The following PRRX2 variants were observed in gnomAD, a reference collection of about 807,000 sequenced individuals.
The protein encoded by PRRX2 is paired related homeobox 2.
PRRX2 carries 11 observed loss-of-function variants against 18.0 expected under a neutral mutation model. The observed-to-expected ratio is 0.61, with a 90% confidence interval of 0.39 to 1.01. The LOEUF is 1.01. PRRX2 is among the 50% of genes least tolerant of loss of function. PRRX2 has a pLI of 0.01. For missense variants in PRRX2, 387 were observed against 351.0 expected (o/e 1.10, Z -0.82); for synonymous variants, 177 against 154.8 (o/e 1.14, Z -1.06).
At chr9:129,694,516 G>C (rs1396324655) in intron 1 of PRRX2, among the ~76,000 whole-genome samples, 1 of 152,170 alleles carries the variant, frequency 6.6e-6, no homozygotes, top group African/African-American at 2.4e-5. Flanking sequence ...CTGACATTCT[G>C]TGCTGGCTGC....
intron 1 of PRRX2, among the ~76,000 whole-genome samples, chr9:129,676,903 A>G (rs1052463030): frequency 6.6e-6 from 1 of 152,206 alleles, no homozygotes; most frequent in African/African-American, 2.4e-5. Context: ...CTAAGTTGGG[A>G]AGAAAGACAA....
intron 1 of PRRX2, among the ~76,000 whole-genome samples, chr9:129,683,277 G>T (rs1176011969): frequency 6.6e-6 from 1 of 152,080 alleles, no homozygotes; most frequent in Admixed American, 6.5e-5. Flanking sequence ...TGACACACAC[G>T]GTCTCCCCTC....
chr9:129,684,507 CACACACACACA>C (rs1564147407), intron 1 of PRRX2, among the ~76,000 whole-genome samples: 3 of 53,104 alleles, frequency 5.6e-5, no homozygotes, highest in East Asian at 2.4e-4. Flanking sequence ...CACACACACA[CACACACACACA>C]CACACCCACA....
intron 1 of PRRX2, among the ~76,000 whole-genome samples, chr9:129,669,974 C>T (rs1318952633): frequency 2.0e-5 from 3 of 150,192 alleles, no homozygotes; most frequent in Non-Finnish European, 4.4e-5. Context: ...AAACTGAAAC[C>T]GCACCCCCTT....
chr9:129,719,151 A>T, intron 1 of PRRX2, 80 bp from the exon 2 acceptor site: 1 of 1,354,390 alleles, frequency 7.4e-7, no homozygotes, highest in South Asian at 1.5e-5. Flanking sequence ...CACTCAGAGC[A>T]AACTGCAGAG....
chr9:129,666,903 C>G (rs1361426088), intron 1 of PRRX2, among the ~76,000 whole-genome samples: 2 of 152,208 alleles, frequency 1.3e-5, no homozygotes, highest in African/African-American at 4.8e-5. Flanking sequence ...TCCCCTAGCT[C>G]TGGGGATGGG....
intron 1 of PRRX2, among the ~76,000 whole-genome samples, chr9:129,677,724 C>T (rs1325636721): frequency 2.0e-5 from 3 of 152,248 alleles, no homozygotes; most frequent in African/African-American, 7.2e-5. Flanking sequence ...GAAGGCCAGC[C>T]TCTCCCGCAG....
At chr9:129,672,470 C>T (rs975928481) in intron 1 of PRRX2, among the ~76,000 whole-genome samples, 2 of 152,168 alleles carry the variant, frequency 1.3e-5, no homozygotes, top group Non-Finnish European at 2.9e-5. Flanking sequence ...CCTCCTGTTC[C>T]AAAACCCCTG....
intron 1 of PRRX2, among the ~76,000 whole-genome samples, chr9:129,681,720 C>G (rs1368531831): frequency 1.4e-5 from 2 of 145,044 alleles, no homozygotes; most frequent in Non-Finnish European, 3.0e-5. Flanking sequence ...CAGATGGAAA[C>G]CCAAAGTGAA....
chr9:129,668,050 T>G (rs1040389166), intron 1 of PRRX2, among the ~76,000 whole-genome samples: 1 of 152,182 alleles, frequency 6.6e-6, no homozygotes, highest in Non-Finnish European at 1.5e-5. Flanking sequence ...TCTTGGAAGC[T>G]GCCTAGCTCT....
chr9:129,667,643 C>G (rs759854519), intron 1 of PRRX2, among the ~76,000 whole-genome samples: 1 of 152,040 alleles, frequency 6.6e-6, no homozygotes, highest in African/African-American at 2.4e-5. Flanking sequence ...CAGGGTGTCT[C>G]GTACTCCAGT....
intron 1 of PRRX2, among the ~76,000 whole-genome samples, chr9:129,690,207 C>T (rs906625814): frequency 6.6e-6 from 1 of 152,198 alleles, no homozygotes; most frequent in African/African-American, 2.4e-5. Context: ...TTCAGGGCTG[C>T]GTCATTCTCT....
In PRRX2 at chr9:129,717,650, C is replaced by G. The variant is rs141813959; in HGVS notation, c.260-1581C>G. Among the ~76,000 whole-genome samples the G allele has an allele frequency of 7.2e-4, 99 of 137,988 alleles. 1 individual carries two copies. Among genetic ancestry groups the G allele is most frequent in the Middle Eastern group, 4.2e-3 (1 of 238 alleles). 90.5% of individuals were successfully genotyped at this position (137,988 alleles called of 152,430 possible). On this transcript the variant is annotated intron_variant, in intron 1 of 3. Transcript: ENST00000372469. ...GGCAGAGGTTGCAGTGAGCCAAGAT[C>G]ATGCCACTGTACTCCAGCCTGGAGG... is the stretch of plus-strand genomic sequence containing the variant.
In PRRX2 at chr9:129,675,954, C is replaced by T. The variant is rs1353251365; in HGVS notation, c.259+9828C>T. On this transcript the variant is annotated intron_variant, in intron 1 of 3. Transcript: ENST00000372469. The surrounding 1 kb of genome is among the most constrained non-coding windows in gnomAD (Gnocchi z 4.4). ...AACAGAAAACAGCTGTTAACAGCAG[C>T]CCTCTAATGCTCTCAAGATGGTGCC... Among the ~76,000 whole-genome samples, 1 of 152,216 alleles carries T rather than the reference C, an allele frequency of 6.6e-6. No individual in the cohort carries two copies. Among genetic ancestry groups the T allele is most frequent in the East Asian group, 1.9e-4 (1 of 5,182 alleles).
chr9:129,717,932 G>C (rs548534113), intron 1 of PRRX2, among the ~76,000 whole-genome samples: 1 of 152,282 alleles, frequency 6.6e-6, no homozygotes, highest in South Asian at 2.1e-4. Context: ...AGGGAAGGGG[G>C]TTTGGTTCCA....
chr9:129,690,600 G>A (rs1244656304), intron 1 of PRRX2, among the ~76,000 whole-genome samples: 1 of 151,354 alleles, frequency 6.6e-6, no homozygotes, highest in African/African-American at 2.4e-5. Context: ...TCCGCCTCCT[G>A]GGTTCAAGCG....
chr9:129,686,931 T>G (rs1362461723), intron 1 of PRRX2, among the ~76,000 whole-genome samples: 1 of 152,114 alleles, frequency 6.6e-6, no homozygotes, highest in African/African-American at 2.4e-5. Flanking sequence ...GAGCCCGGGT[T>G]GGGGGCAGGC....
intron 1 of PRRX2, among the ~76,000 whole-genome samples, chr9:129,684,427 A>AACACACACAC (rs72324782): frequency 1.7e-4 from 14 of 82,928 alleles, no homozygotes; most frequent in African/African-American, 6.5e-4. Flanking sequence ...ACACAGATAC[A>AACACACACAC]ACACACACAC....
chr9:129,679,052 C>T (rs868158961), intron 1 of PRRX2, among the ~76,000 whole-genome samples: 10 of 152,298 alleles, frequency 6.6e-5, no homozygotes, highest in Admixed American at 2.0e-4. Flanking sequence ...CCGTGCCCCA[C>T]GTCGCAGTCC....
Sources: gnomAD v4.1 joint callset for allele counts (sites outside exome capture counted in the v4.1 genomes callset) on GRCh38, gnomAD v4.1.1 for gene constraint, Gnocchi (gnomAD v3.1) non-coding constraint, MANE v1.5 for transcripts, NCBI Gene and HGNC (gene_info 2026-07-23, HGNC 2026-07-21) for gene names.